FHIT: variants seen among roughly 807,000 people sequenced by gnomAD.
FHIT encodes the protein bis(5'-adenosyl)-triphosphatase.
Under a neutral mutation model 17.9 loss-of-function variants are expected in FHIT, and 19 were observed. The observed-to-expected ratio is 1.06, with a 90% confidence interval of 0.74 to 1.56. FHIT has a LOEUF of 1.56. Among genes scored for constraint, FHIT ranks in the 40% most tolerant of loss-of-function variants. The probability of loss-of-function intolerance (pLI) is 0.00; values close to 1 mark genes in which losing one functional copy is unlikely to be tolerated. For missense variants in FHIT, 248 were observed against 189.2 expected, an observed-to-expected ratio of 1.31 and a Z score of -1.82; for synonymous variants, 81 against 69.7, an observed-to-expected ratio of 1.16 and a Z score of -0.81.
chr3:60,741,121 A>T (rs1191352044), intron 4 of FHIT, among the ~76,000 whole-genome samples: 10 of 152,226 alleles, frequency 6.6e-5, no homozygotes, highest in Non-Finnish European at 7.3e-5. Context: ...GTACTTTTTA[A>T]CAGAGAATGA....
chr3:60,223,997 A>T (rs1049808622), intron 5 of FHIT, among the ~76,000 whole-genome samples: 1 of 152,150 alleles, frequency 6.6e-6, no homozygotes, highest in Non-Finnish European at 1.5e-5. Context: ...AGTAGCTTTG[A>T]AACAAACTTG....
At chr3:60,806,867 T>G (rs2106694742) in intron 4 of FHIT, among the ~76,000 whole-genome samples, 1 of 152,330 alleles carries the variant, frequency 6.6e-6, no homozygotes, top group Middle Eastern at 3.4e-3. Context: ...AGGTATCTCG[T>G]ACCATCAAGG....
intron 5 of FHIT, among the ~76,000 whole-genome samples, chr3:60,130,307 A>C (rs1174257404): frequency 6.6e-6 from 1 of 152,198 alleles, no homozygotes; most frequent in Non-Finnish European, 1.5e-5. Flanking sequence ...AATGTTCACT[A>C]TTATCAGTTA....
At chr3:60,134,978 G>A (rs1050229791) in intron 5 of FHIT, among the ~76,000 whole-genome samples, 1 of 152,082 alleles carries the variant, frequency 6.6e-6, no homozygotes, top group Non-Finnish European at 1.5e-5. Context: ...GGAAAAAAGG[G>A]GGGAGGGAGG....
At chr3:60,588,827 T>C (rs2037989336) in intron 4 of FHIT, among the ~76,000 whole-genome samples, 1 of 151,972 alleles carries the variant, frequency 6.6e-6, no homozygotes, top group South Asian at 2.1e-4. Context: ...GTGATTGTAA[T>C]TTACACCAGA....
At chr3:60,084,031 T>TG (rs1475602366) in intron 5 of FHIT, among the ~76,000 whole-genome samples, 7 of 130,762 alleles carry the variant, frequency 5.4e-5, no homozygotes, top group Non-Finnish European at 9.9e-5. Flanking sequence ...ACATATTAAG[T>TG]GGGGAAAAAA....
chr3:60,696,192 C>T (rs1466261649), intron 4 of FHIT, among the ~76,000 whole-genome samples: 3 of 152,150 alleles, frequency 2.0e-5, no homozygotes, highest in South Asian at 2.1e-4. Context: ...TAAAATATAT[C>T]AGTACAGGTC....
At chr3:60,225,324 G>A (rs1704146064) in intron 5 of FHIT, among the ~76,000 whole-genome samples, 1 of 152,104 alleles carries the variant, frequency 6.6e-6, no homozygotes, top group Non-Finnish European at 1.5e-5. Flanking sequence ...CATTTTGCAG[G>A]CAAACTCTTA....
intron 5 of FHIT, among the ~76,000 whole-genome samples, chr3:60,410,884 T>C (rs535054479): frequency 1.3e-5 from 2 of 152,124 alleles, no homozygotes; most frequent in Non-Finnish European, 2.9e-5. Context: ...TCTTTCTCTT[T>C]CCTATATGGA....
intron 5 of FHIT, among the ~76,000 whole-genome samples, chr3:60,489,113 A>C (rs1041894800): frequency 1.6e-4 from 24 of 152,106 alleles, no homozygotes; most frequent in African/African-American, 4.8e-4. Flanking sequence ...AATAGCATTC[A>C]TTAGAAAAAT....
At chr3:60,561,370 A>G (rs961784300) in intron 4 of FHIT, among the ~76,000 whole-genome samples, 2 of 152,128 alleles carry the variant, frequency 1.3e-5, no homozygotes, top group African/African-American at 4.8e-5. Flanking sequence ...TTCTTCTCTC[A>G]TTAAGCCAGT....
intron 7 of FHIT, among the ~76,000 whole-genome samples, chr3:59,951,775 G>T (rs959637539): frequency 2.0e-5 from 3 of 152,048 alleles, no homozygotes; most frequent in Admixed American, 6.6e-5. Context: ...GATGTCCCCA[G>T]TTACATCACC....
chr3:61,196,851 G>A (rs568228820), intron 2 of FHIT, among the ~76,000 whole-genome samples: 18 of 152,294 alleles, frequency 1.2e-4, no homozygotes, highest in Admixed American at 8.5e-4. Flanking sequence ...ATGCTGCAGG[G>A]AAGAAAGTAG....
chr3:60,955,611 T>TATATATATATAC (rs1709096132), intron 3 of FHIT, among the ~76,000 whole-genome samples: 1 of 16,896 alleles, frequency 5.9e-5, no homozygotes, highest in Non-Finnish European at 1.7e-4. Context: ...TATATATATA[T>TATATATATATAC]ATATATATAT....
At chr3:60,367,106 GCTCAACCTTCCCCTAAGAATACTAAAT>G in intron 5 of FHIT, among the ~76,000 whole-genome samples, 1 of 152,336 alleles carries the variant, frequency 6.6e-6, no homozygotes, top group Non-Finnish European at 1.5e-5. Flanking sequence ...TATAAAATGA[GCTCAACCTTCCCCTAAGAATACTAAAT>G]ACTCATAGAT....
At chr3:61,054,934 C>T (rs2034163303) in intron 2 of FHIT, among the ~76,000 whole-genome samples, 1 of 152,178 alleles carries the variant, frequency 6.6e-6, no homozygotes. Flanking sequence ...CTGCTGCTCT[C>T]CCTGGTTAGG....
chr3:60,429,187 T>G (rs534754842), intron 5 of FHIT, among the ~76,000 whole-genome samples: 2 of 152,008 alleles, frequency 1.3e-5, no homozygotes, highest in Non-Finnish European at 2.9e-5. Flanking sequence ...TTTGGTCTAG[T>G]TTATGAAAAA....
intron 7 of FHIT, among the ~76,000 whole-genome samples, chr3:59,929,067 C>G (rs1315881926): frequency 6.7e-6 from 1 of 150,018 alleles, no homozygotes; most frequent in South Asian, 2.1e-4. Context: ...AAATTGGAAC[C>G]CTTGTACAAG....
rs17062079 is a variant in FHIT at position 60,071,419 on chromosome 3, G to A, written c.104-57267C>T. On this transcript the variant is annotated intron_variant, in intron 5 of 9. Coordinates refer to ENST00000492590, the MANE Select transcript of FHIT (RefSeq NM_002012.4). ...AAGTGGCTTGCATCATATTTCTACC[G>A]GGCACTGCAACCGTGTCTGTATTGG... Among the ~76,000 whole-genome samples the A allele has an allele frequency of 9.3e-3, 1,420 of 152,062 alleles. 16 individuals carry two copies. Among genetic ancestry groups the A allele is most frequent in the African/African-American group, 0.033 (1,352 of 41,464 alleles).
Sources: allele counts gnomAD v4.1 joint callset (sites outside exome capture counted in the v4.1 genomes callset), GRCh38; gene constraint gnomAD v4.1.1; transcripts MANE v1.5; gene names NCBI Gene and HGNC (gene_info 2026-07-23, HGNC 2026-07-21).